PDE4B: variants seen among roughly 807,000 people sequenced by gnomAD.
The protein encoded by PDE4B is phosphodiesterase 4B.
In PDE4B, 20 loss-of-function variants were observed where a neutral mutation model predicts 82.2. That is an observed-to-expected ratio of 0.24 (90% CI 0.17 to 0.35). The LOEUF (loss-of-function observed/expected upper bound fraction) is 0.35, where lower values mean the gene tolerates loss of function less well. Ranked by LOEUF, PDE4B falls within the 10% of genes least tolerant of loss-of-function variation. The pLI is 1.00. For missense variants in PDE4B, 655 were observed against 907.2 expected (o/e 0.72, Z 3.57); for synonymous variants, 320 against 318.9 (o/e 1.00, Z -0.04).
At chr1:66,355,242 T>C in intron 8 of PDE4B, 1 of 371,556 alleles carries the variant, frequency 2.7e-6, no homozygotes, top group Non-Finnish European at 4.8e-6. Flanking sequence ...TAGGTACAGT[T>C]TCAAGTGGAA....
intron 3 of PDE4B, among the ~76,000 whole-genome samples, chr1:66,225,405 T>C (rs1651369467): frequency 6.6e-6 from 1 of 152,246 alleles, no homozygotes; most frequent in African/African-American, 2.4e-5. Context: ...TTCTAAGAAT[T>C]CCTGCGTTTT....
chr1:66,355,728 T>A, intron 9 of PDE4B, 108 bp downstream of exon 9: 1 of 553,918 alleles, frequency 1.8e-6, no homozygotes, highest in Non-Finnish European at 3.2e-6. Flanking sequence ...AGTTGAGTCA[T>A]AGAAAAATCC....
chr1:66,035,533 A>G (rs117203090), intron 3 of PDE4B, among the ~76,000 whole-genome samples: 3,842 of 152,092 alleles, frequency 0.025, 155 homozygotes, highest in Admixed American at 0.11. Flanking sequence ...CTCTACTTCT[A>G]TGAGTTTAAC....
chr1:65,832,786 G>T (rs1269514253), intron 1 of PDE4B, among the ~76,000 whole-genome samples: 1 of 152,150 alleles, frequency 6.6e-6, no homozygotes, highest in Non-Finnish European at 1.5e-5. Context: ...AAGAGTGAGG[G>T]TCGTGAGCAT....
At chr1:66,080,941 C>T (rs1221802825) in intron 3 of PDE4B, among the ~76,000 whole-genome samples, 1 of 152,038 alleles carries the variant, frequency 6.6e-6, no homozygotes, top group Non-Finnish European at 1.5e-5. Flanking sequence ...GTCTGCTGTT[C>T]CCATCTCTAT....
At chr1:65,995,655 G>A (rs1182658021) in intron 3 of PDE4B, among the ~76,000 whole-genome samples, 2 of 152,152 alleles carry the variant, frequency 1.3e-5, no homozygotes, top group Non-Finnish European at 2.9e-5. Context: ...GGAAATAAGA[G>A]CATAAGTACT....
intron 3 of PDE4B, among the ~76,000 whole-genome samples, chr1:65,997,761 C>T (rs1205523851): frequency 6.6e-6 from 1 of 152,136 alleles, no homozygotes; most frequent in Non-Finnish European, 1.5e-5. Context: ...GAGAAAAAGC[C>T]CTTGTCTTCA....
At chr1:66,210,627 GAAAAA>G (rs1170564591) in intron 3 of PDE4B, among the ~76,000 whole-genome samples, 1 of 147,000 alleles carries the variant, frequency 6.8e-6, no homozygotes, top group Non-Finnish European at 1.5e-5. Flanking sequence ...AAAGAAAAAG[GAAAAA>G]AAGAAAAGAA....
intron 3 of PDE4B, among the ~76,000 whole-genome samples, chr1:66,059,029 C>G (rs974477939): frequency 6.6e-6 from 1 of 152,196 alleles, no homozygotes; most frequent in African/African-American, 2.4e-5. Context: ...TAATGGCACA[C>G]AAGTCACCTC....
At chr1:66,319,109 T>C (rs918935709) in intron 7 of PDE4B, among the ~76,000 whole-genome samples, 11 of 152,206 alleles carry the variant, frequency 7.2e-5, no homozygotes, top group African/African-American at 2.4e-4. Context: ...CAAAATACAA[T>C]GCGATTTTCA....
chr1:66,059,373 C>T (rs1028737422), intron 3 of PDE4B, among the ~76,000 whole-genome samples: 4 of 152,212 alleles, frequency 2.6e-5, no homozygotes, highest in African/African-American at 9.6e-5. Context: ...GTCGCTTCCA[C>T]ATTTTCAGGT....
At chr1:66,201,662 G>A (rs1358516308) in intron 3 of PDE4B, among the ~76,000 whole-genome samples, 4 of 148,980 alleles carry the variant, frequency 2.7e-5, no homozygotes, top group Non-Finnish European at 4.5e-5. Context: ...TCTGATGGTA[G>A]TTGGTATTTC....
intron 1 of PDE4B, among the ~76,000 whole-genome samples, chr1:65,900,693 A>G (rs1258974868): frequency 6.6e-6 from 1 of 151,978 alleles, no homozygotes; most frequent in Admixed American, 6.6e-5. Context: ...GTGTATTCCT[A>G]GGTATGTTAC....
At chr1:66,167,007 C>T (rs535385522) in intron 3 of PDE4B, among the ~76,000 whole-genome samples, 21 of 152,320 alleles carry the variant, frequency 1.4e-4, no homozygotes, top group Admixed American at 8.5e-4. Context: ...TGAGATATTG[C>T]TTCACACCCA....
chr1:66,308,676 G>T (rs1365699766), intron 7 of PDE4B, among the ~76,000 whole-genome samples: 1 of 152,112 alleles, frequency 6.6e-6, no homozygotes, highest in Non-Finnish European at 1.5e-5. Flanking sequence ...GTTGTTTCAT[G>T]CTACAGTTGT....
intron 3 of PDE4B, among the ~76,000 whole-genome samples, chr1:66,106,991 G>GT (rs1570251112): frequency 6.7e-6 from 1 of 148,982 alleles, no homozygotes; most frequent in African/African-American, 2.5e-5. Flanking sequence ...CTTTGAATGT[G>GT]TTTGCTCTTG....
At chr1:66,264,396 T>A (rs989673848) in intron 6 of PDE4B, among the ~76,000 whole-genome samples, 8 of 152,224 alleles carry the variant, frequency 5.3e-5, no homozygotes, top group Non-Finnish European at 1.2e-4. Context: ...AGCTTTGAAT[T>A]CTGGCTGTGC....
chr1:66,331,776 C>T, intron 7 of PDE4B: 2 of 985,292 alleles, frequency 2.0e-6, no homozygotes, highest in South Asian at 4.7e-5. Flanking sequence ...CTGCAGGACT[C>T]CCAGGCCAAT....
At chr1:66,167,322 A>C (rs1646754572) in intron 3 of PDE4B, among the ~76,000 whole-genome samples, 1 of 152,254 alleles carries the variant, frequency 6.6e-6, no homozygotes, top group Non-Finnish European at 1.5e-5. Context: ...CAACATAAAC[A>C]AAATGTGATA....
Sources: allele counts gnomAD v4.1 joint callset (sites outside exome capture counted in the v4.1 genomes callset), GRCh38; gene constraint gnomAD v4.1.1; transcripts MANE v1.5; gene names NCBI Gene and HGNC (gene_info 2026-07-23, HGNC 2026-07-21).